The following CSMD3 variants were observed in gnomAD, a reference collection of about 807,000 sequenced individuals.
CSMD3 encodes the protein CUB and sushi domain-containing protein 3.
A neutral mutation model predicts 435.2 loss-of-function variants in CSMD3; 177 were observed. The observed-to-expected ratio is 0.41, with a 90% confidence interval of 0.36 to 0.46. CSMD3 has a LOEUF of 0.46. CSMD3 is among the 20% of genes least tolerant of loss of function. The pLI is 0.34. For synonymous variants in CSMD3, 1,656 were observed against 1,520.5 expected, an observed-to-expected ratio of 1.09 and a Z score of -2.07; for missense variants, 4,265 against 4,504.6, an observed-to-expected ratio of 0.95 and a Z score of 1.52.
intron 23 of CSMD3, among the ~76,000 whole-genome samples, chr8:112,581,336 G>A (rs1317877147): frequency 6.6e-6 from 1 of 151,888 alleles, no homozygotes; most frequent in East Asian, 1.9e-4. Context: ...ATAATCCAAA[G>A]CACAATATGT....
intron 1 of CSMD3, among the ~76,000 whole-genome samples, chr8:113,384,439 A>C (rs1268356000): frequency 2.6e-5 from 4 of 152,220 alleles, no homozygotes; most frequent in Non-Finnish European, 1.5e-5. Context: ...CAATAGAAAG[A>C]ACGTATGTTT....
chr8:113,133,900 G>A (rs1427771388), intron 4 of CSMD3, among the ~76,000 whole-genome samples: 1 of 151,980 alleles, frequency 6.6e-6, no homozygotes, highest in Non-Finnish European at 1.5e-5. Context: ...TTATGCAGAG[G>A]GGGTAAAGAG....
chr8:112,704,868 T>C (rs1220311834), intron 13 of CSMD3, among the ~76,000 whole-genome samples: 1 of 152,118 alleles, frequency 6.6e-6, no homozygotes, highest in Admixed American at 6.6e-5. Flanking sequence ...AATCAAGAGC[T>C]AATGCTCTAA....
chr8:112,395,935 G>T (rs1226259217), intron 35 of CSMD3, among the ~76,000 whole-genome samples: 1 of 151,986 alleles, frequency 6.6e-6, no homozygotes, highest in African/African-American at 2.4e-5. Flanking sequence ...ATTAAGAAAG[G>T]CTTGGAACTA....
intron 1 of CSMD3, among the ~76,000 whole-genome samples, chr8:113,425,431 A>G (rs751208080): frequency 1.6e-4 from 24 of 151,448 alleles, no homozygotes; most frequent in Admixed American, 9.9e-4. Flanking sequence ...TCTTTCTAAA[A>G]TAGGAAATTT....
chr8:112,412,983 C>T lies in CSMD3; in HGVS notation c.5396-3951G>A, dbSNP rs369438435. ...TATTTCCATGAAGAGTATTGCTATA[C>T]TGATCAATTAAATCCATTCTTCAAA... On this transcript the variant is annotated intron_variant, in intron 32 of 70. Transcript: ENST00000297405. 1.8e-4 allele frequency among the ~76,000 whole-genome samples: 28 copies of T among 152,250 alleles called. No individual in the cohort carries two copies. In the East Asian group the frequency reaches 2.9e-3, roughly 16 times the overall value.
At chr8:112,436,296 A>T (rs1814340244) in intron 32 of CSMD3, among the ~76,000 whole-genome samples, 1 of 151,948 alleles carries the variant, frequency 6.6e-6, no homozygotes. Flanking sequence ...TAATAAAGTT[A>T]TAAAAGATAT....
At chr8:112,247,708 T>TCTAGGC (rs1029480092) in intron 63 of CSMD3, among the ~76,000 whole-genome samples, 1 of 151,896 alleles carries the variant, frequency 6.6e-6, no homozygotes, top group African/African-American at 2.4e-5. Context: ...AAGTGTAGTC[T>TCTAGGC]CTAGGCCAGT....
intron 10 of CSMD3, among the ~76,000 whole-genome samples, chr8:112,908,879 C>G (rs1472535420): frequency 1.3e-5 from 2 of 151,398 alleles, no homozygotes; most frequent in Non-Finnish European, 3.0e-5. Context: ...CTGTGTCCTC[C>G]TTGCATAATT....
At chr8:113,391,009 C>T (rs529812205) in intron 1 of CSMD3, among the ~76,000 whole-genome samples, 2 of 151,870 alleles carry the variant, frequency 1.3e-5, no homozygotes, top group Admixed American at 1.3e-4. Context: ...TGGGAAAGCA[C>T]CTTGATTTAT....
chr8:112,748,469 T>C (rs1213745048), intron 13 of CSMD3, among the ~76,000 whole-genome samples: 1 of 152,128 alleles, frequency 6.6e-6, no homozygotes, highest in Non-Finnish European at 1.5e-5. Context: ...CCAATAGTTA[T>C]CTTTTCTGCG....
intron 58 of CSMD3, among the ~76,000 whole-genome samples, chr8:112,282,336 T>A (rs1250672670): frequency 6.6e-6 from 1 of 152,058 alleles, no homozygotes; most frequent in Admixed American, 6.6e-5. Flanking sequence ...CTAGATAATA[T>A]TTTAAGCAGA....
chr8:112,304,456 T>C lies in CSMD3; in HGVS notation c.8266+265A>G, dbSNP rs148405375. 4.4e-3 allele frequency among the ~76,000 whole-genome samples: 671 copies of C among 152,108 alleles called. 6 individuals carry two copies. Among genetic ancestry groups the C allele is most frequent in the African/African-American group, 0.016 (645 of 41,520 alleles). ...GTGTCTGTCAAGTAGTAAGTAATCA[T>C]TACTTCATTGTTAAAGTAGGTAATA... On this transcript the variant is annotated intron_variant, in intron 52 of 70. Transcript: ENST00000297405.
chr8:112,338,131 A>T (rs1824752666), intron 42 of CSMD3, among the ~76,000 whole-genome samples: 1 of 152,202 alleles, frequency 6.6e-6, no homozygotes, highest in African/African-American at 2.4e-5. Context: ...TATAAGCCTA[A>T]TTCTGAGCCT....
chr8:112,545,499 A>AAT lies in CSMD3; in HGVS notation c.4564+5171_4564+5172insAT, dbSNP rs1554609864. Among the ~76,000 whole-genome samples the AAT allele has an allele frequency of 2.0e-3, 286 of 141,118 alleles. 2 individuals carry two copies. Among genetic ancestry groups the AAT allele is most frequent in the African/African-American group, 7.1e-3 (263 of 37,256 alleles). 92.6% of individuals were successfully genotyped at this position (141,118 alleles called of 152,430 possible). The stretch of plus-strand genomic sequence containing the variant: ...CTCCATCTCAAAAAAAAAAAAAAAA[A>AAT]AAAATAATAATAATAATAATAATAA... On this transcript the variant is annotated intron_variant, in intron 27 of 70. Coordinates refer to ENST00000297405, the MANE Select transcript of CSMD3 (RefSeq NM_198123.2).
intron 24 of CSMD3, among the ~76,000 whole-genome samples, chr8:112,565,860 T>C (rs116029005): frequency 0.011 from 1,742 of 152,134 alleles, 30 homozygotes; most frequent in African/African-American, 0.039. Context: ...AAAGAATCTG[T>C]AATTAAATAA....
chr8:112,326,141 G>A (rs1374464106), intron 45 of CSMD3, among the ~76,000 whole-genome samples: 1 of 152,102 alleles, frequency 6.6e-6, no homozygotes, highest in Non-Finnish European at 1.5e-5. Context: ...ATAAAATTGA[G>A]GCATGTTGTC....
At chr8:113,119,404 T>C (rs971995526) in intron 4 of CSMD3, among the ~76,000 whole-genome samples, 2 of 152,110 alleles carry the variant, frequency 1.3e-5, no homozygotes, top group Non-Finnish European at 2.9e-5. Context: ...AAGTTAGTAA[T>C]TTGCCCAAGT....
At chr8:112,881,912 A>T (rs766049068) in intron 10 of CSMD3, among the ~76,000 whole-genome samples, 157 of 151,952 alleles carry the variant, frequency 1.0e-3, no homozygotes, top group Non-Finnish European at 1.7e-3. Flanking sequence ...TAATATTTTT[A>T]AAAAATATTA....
Sources: gnomAD v4.1 joint callset for allele counts (sites outside exome capture counted in the v4.1 genomes callset) on GRCh38, gnomAD v4.1.1 for gene constraint, MANE v1.5 for transcripts, NCBI Gene and HGNC (gene_info 2026-07-23, HGNC 2026-07-21) for gene names.